The following FMO3 variants were observed in gnomAD, a reference collection of about 807,000 sequenced individuals.
FMO3 encodes flavin-containing monooxygenase 3.
A neutral mutation model predicts 39.4 loss-of-function variants in FMO3; 40 were observed. That is an observed-to-expected ratio of 1.02 (90% CI 0.79 to 1.32). The LOEUF is 1.32. FMO3 is among the 40% of genes most tolerant of loss of function. FMO3 has a pLI of 0.00. For missense variants in FMO3, 680 were observed against 651.8 expected (o/e 1.04, Z -0.47); for synonymous variants, 219 against 228.8 (o/e 0.96, Z 0.39).
chr1:171,114,258 T>C lies in FMO3; in HGVS notation c.1079T>C (p.Leu360Pro), dbSNP rs28363581. ...TTATTTAAAGGAGTATTTCCTCCTC[T>C]ACTTGAGAAGTCAACCATAGCAGTG... is the stretch of plus-strand genomic sequence containing the variant. Reference protein sequence around the residue: ...IILFKGVFPPLLEKSTIAVIG... With the variant: ...IILFKGVFPPPLEKSTIAVIG... Residue 360 changes from leucine to proline, a missense_variant, in exon 7 of 9, where the codon CTA becomes CCA. Coordinates refer to ENST00000367755, the MANE Select transcript of FMO3 (RefSeq NM_001002294.3). 448 of 1,614,034 alleles carry C rather than the reference T, an allele frequency of 2.8e-4. 2 individuals carry two copies. In the African/African-American group the frequency reaches 5.1e-3, roughly 19 times the overall value.
intron 2 of FMO3, among the ~76,000 whole-genome samples, chr1:171,097,147 T>G (rs1655138208): frequency 6.7e-6 from 1 of 148,748 alleles, no homozygotes; most frequent in African/African-American, 2.5e-5. Flanking sequence ...TGCATAGTAT[T>G]CCATGGTGTA....
At chr1:171,111,521 C>T (rs28363568) in intron 6 of FMO3, among the ~76,000 whole-genome samples, 102 of 152,232 alleles carry the variant, frequency 6.7e-4, no homozygotes, top group African/African-American at 2.3e-3. Flanking sequence ...CAAAGTTAAG[C>T]ACATCAGGAG....
At chr1:171,110,726 G>A in intron 5 of FMO3, 72 bp from the exon 6 acceptor site, 2 of 1,349,178 alleles carry the variant, frequency 1.5e-6, no homozygotes, top group Non-Finnish European at 1.1e-6. Flanking sequence ...CCTCAAGAGG[G>A]ATCTGGGGTG....
At chr1:171,094,801 C>T (rs1290261154) in intron 2 of FMO3, among the ~76,000 whole-genome samples, 2 of 152,098 alleles carry the variant, frequency 1.3e-5, no homozygotes, top group Non-Finnish European at 2.9e-5. Flanking sequence ...ATCTATGTGT[C>T]TATGTTTATA....
intron 2 of FMO3, chr1:171,100,777 A>C (rs1172470276): frequency 4.2e-6 from 1 of 239,880 alleles, no homozygotes; most frequent in Non-Finnish European, 8.4e-6. Flanking sequence ...ATGGCCTGTA[A>C]TAGGCTGAAC....
intron 2 of FMO3, among the ~76,000 whole-genome samples, chr1:171,093,188 G>A (rs1471051448): frequency 6.6e-6 from 1 of 151,358 alleles, no homozygotes. Flanking sequence ...ATAATGTATA[G>A]CAGTTAAGTC....
At chr1:171,104,846 C>A (rs915593333) in intron 3 of FMO3, among the ~76,000 whole-genome samples, 3 of 152,010 alleles carry the variant, frequency 2.0e-5, no homozygotes, top group Non-Finnish European at 2.9e-5. Flanking sequence ...TGCACTCCAG[C>A]CTGGGCGACA....
At position 171,117,247 on chromosome 1, in the gene FMO3, C is replaced by T; in HGVS notation, c.1404C>T (p.Pro468=). 1 of 1,614,166 alleles carries T rather than the reference C, an allele frequency of 6.2e-7. No individual in the cohort carries two copies. Among genetic ancestry groups the T allele is most frequent in the Non-Finnish European group, 8.5e-7 (1 of 1,180,022 alleles). Residue 468 remains proline (P), a synonymous_variant, in exon 9 of 9, where the codon CCC becomes CCT. Transcript: ENST00000367755. ...AAGTTTATTTTGGCCCTTGTAGTCC[C>T]TACCAGTTTAGGCTGGTGGGCCCAG... ...AMEVYFGPCS[P]YQFRLVGPGQ...
intron 3 of FMO3, among the ~76,000 whole-genome samples, chr1:171,104,188 C>A (rs1655538048): frequency 6.6e-6 from 1 of 152,068 alleles, no homozygotes; most frequent in African/African-American, 2.4e-5. Flanking sequence ...TAGACTAAAT[C>A]ACTACTAATT....
intron 2 of FMO3, among the ~76,000 whole-genome samples, chr1:171,099,493 G>C (rs1012336393): frequency 4.1e-4 from 63 of 151,872 alleles, no homozygotes; most frequent in African/African-American, 1.3e-3. Context: ...CAAACTTAGG[G>C]CTATTTTATC....
chr1:171,100,423 G>C (rs1314330670), intron 2 of FMO3: 1 of 152,262 alleles, frequency 6.6e-6, no homozygotes, highest in Non-Finnish European at 1.5e-5. Flanking sequence ...TGGGATTAGT[G>C]ATTCTTTTCT....
At position 171,096,081 on chromosome 1, in the gene FMO3, A is replaced by ATATATATTATATATATAAATATATAT. The variant is rs1655012838; in HGVS notation, c.132+3300_132+3301insTATATATAAATATATATTATATATTA. 5.2e-4 allele frequency among the ~76,000 whole-genome samples: 29 copies of ATATATATTATATATATAAATATATAT among 56,002 alleles called. 1 individual carries two copies. The highest frequency in any genetic ancestry group is 2.1e-3 in the African/African-American group (29 of 13,844). 36.7% of individuals were successfully genotyped at this position (56,002 alleles called of 152,430 possible). ...AATATATATTATATATTAATATATA[A>ATATATATTATATATATAAATATATAT]TATATATTAATATTTTTATATAATT... On this transcript the variant is annotated intron_variant, in intron 2 of 8. Coordinates refer to ENST00000367755, the MANE Select transcript of FMO3 (RefSeq NM_001002294.3).
At chr1:171,096,029 TA>T (rs1489308933) in intron 2 of FMO3, among the ~76,000 whole-genome samples, 1 of 52,932 alleles carries the variant, frequency 1.9e-5, no homozygotes, top group African/African-American at 8.1e-5. Flanking sequence ...TATATTAATA[TA>T]TAATATATAT....
chr1:171,110,955 C>G lies in FMO3; in HGVS notation c.785C>G (p.Ala262Gly). 6.2e-7 allele frequency: 1 copy of G among 1,613,874 alleles called. No individual in the cohort carries two copies. The highest frequency in any genetic ancestry group is 2.2e-5 in the East Asian group (1 of 44,854). The change falls in exon 6 of 9, where the codon GCA (alanine) becomes GGA (glycine). Residue 262 changes from alanine to glycine, a missense_variant. Coordinates refer to ENST00000367755, the MANE Select transcript of FMO3 (RefSeq NM_001002294.3). Reference sequence around the variant, plus strand: ...TGGTTGTACGTGAAGCAGATGAATGCAAGATTCAAGCATGAAAACTATGGC... The same window carrying G: ...TGGTTGTACGTGAAGCAGATGAATGGAAGATTCAAGCATGAAAACTATGGC... Reference protein sequence around the residue: ...SDWLYVKQMNARFKHENYGLM... With the variant: ...SDWLYVKQMNGRFKHENYGLM...
intron 3 of FMO3, among the ~76,000 whole-genome samples, chr1:171,106,577 CACTT>C (rs1289651535): frequency 6.6e-6 from 1 of 152,146 alleles, no homozygotes; most frequent in Non-Finnish European, 1.5e-5. Context: ...TTATCAATAG[CACTT>C]ACTTCTTTTC....
chr1:171,096,994 A>G (rs1318713108), intron 2 of FMO3, among the ~76,000 whole-genome samples: 1 of 150,146 alleles, frequency 6.7e-6, no homozygotes, highest in Non-Finnish European at 1.5e-5. Flanking sequence ...CCTGTGTCCA[A>G]GTGTTCTCAT....
intron 2 of FMO3, among the ~76,000 whole-genome samples, chr1:171,096,704 TA>T (rs1557934646): frequency 9.0e-6 from 1 of 111,354 alleles, no homozygotes; most frequent in Non-Finnish European, 1.8e-5. Flanking sequence ...TATAATTATA[TA>T]AAAATTAATA....
chr1:171,117,274 G>T lies in FMO3; in HGVS notation c.1431G>T (p.Gly477=). The T allele has an allele frequency of 6.2e-7, 1 of 1,614,194 alleles. No individual in the cohort carries two copies. Among genetic ancestry groups the T allele is most frequent in the Non-Finnish European group, 8.5e-7 (1 of 1,180,026 alleles). ...ACCAGTTTAGGCTGGTGGGCCCAGG[G>T]CAGTGGCCAGGAGCCAGAAATGCCA... ...SPYQFRLVGP[G]QWPGARNAIL... is the part of the protein sequence containing the mutation. The change falls in exon 9 of 9, where the codon GGG becomes GGT. Residue 477 remains glycine, a synonymous_variant. Transcript: ENST00000367755.
In FMO3 at chr1:171,117,375, T is replaced by C. The variant is rs770188172; in HGVS notation, c.1532T>C (p.Phe511Ser). The C allele has an allele frequency of 5.6e-6, 9 of 1,612,628 alleles. No individual in the cohort carries two copies. The highest frequency in any genetic ancestry group is 7.6e-6 in the Non-Finnish European group (9 of 1,179,488). Reference sequence around the variant, plus strand: ...GGGAGACTTCAGAAGCCTTGCTTCTTTTTCCATTGGCTGAAGCTCTTTGCA... The same window carrying C: ...GGGAGACTTCAGAAGCCTTGCTTCTCTTTCCATTGGCTGAAGCTCTTTGCA... Reference protein sequence around the residue: ...VVGRLQKPCFFFHWLKLFAIP... With the variant: ...VVGRLQKPCFSFHWLKLFAIP... The change falls in exon 9 of 9, where the codon TTT (phenylalanine) becomes TCT (serine). Residue 511 changes from phenylalanine (F) to serine (S), a missense_variant. Coordinates refer to ENST00000367755, the MANE Select transcript of FMO3 (RefSeq NM_001002294.3).
Sources: gnomAD v4.1 joint callset for allele counts (sites outside exome capture counted in the v4.1 genomes callset) on GRCh38, gnomAD v4.1.1 for gene constraint, MANE v1.5 for transcripts, NCBI Gene and HGNC (gene_info 2026-07-23, HGNC 2026-07-21) for gene names.